CHST11: variants seen among roughly 807,000 people sequenced by gnomAD.
CHST11 encodes the protein C4S-1.
In CHST11, 9 loss-of-function variants were observed where a neutral mutation model predicts 30.4. That is an observed-to-expected ratio of 0.30 (90% confidence interval 0.18 to 0.52). The LOEUF (loss-of-function observed/expected upper bound fraction) is 0.52, where lower values mean the gene tolerates loss of function less well. Among genes scored for constraint, CHST11 ranks in the 20% least tolerant of loss-of-function variants. The probability of loss-of-function intolerance (pLI) is 0.97; values close to 1 mark genes in which losing one functional copy is unlikely to be tolerated. For synonymous variants in CHST11, 152 were observed against 187.8 expected, an observed-to-expected ratio of 0.81 and a Z score of 1.56; for missense variants, 348 against 460.6, an observed-to-expected ratio of 0.76 and a Z score of 2.24.
chr12:104,508,991 G>A (rs866403722), intron 1 of CHST11, among the ~76,000 whole-genome samples: 6 of 151,672 alleles, frequency 4.0e-5, no homozygotes, highest in African/African-American at 1.5e-4. Flanking sequence ...CAACCAGAAT[G>A]ACTATAATCC....
At chr12:104,756,912 G>C in intron 2 of CHST11, 37 bp from the exon 3 acceptor site, 1 of 1,583,176 alleles carries the variant, frequency 6.3e-7, no homozygotes, top group Non-Finnish European at 8.6e-7. Flanking sequence ...TTTCAGGCAA[G>C]TACTGAGTTC....
rs370681818 is a variant in CHST11 at position 104,695,827 on chromosome 12, C to T, written c.205-61122C>T. ...ATTGCCACGTACAGAGTAACTTGGA[C>T]GTGACGCTTCACCGTGAAGTCACAC... On this transcript the variant is annotated intron_variant, in intron 2 of 2. Coordinates refer to ENST00000303694, the MANE Select transcript of CHST11 (RefSeq NM_018413.6). 5.9e-5 allele frequency among the ~76,000 whole-genome samples: 9 copies of T among 152,294 alleles called. No individual in the cohort carries two copies. In the East Asian group the frequency reaches 7.7e-4, roughly 13 times the overall value.
chr12:104,580,448 T>C (rs1211916048), intron 1 of CHST11, among the ~76,000 whole-genome samples: 1 of 152,252 alleles, frequency 6.6e-6, no homozygotes, highest in Non-Finnish European at 1.5e-5. Flanking sequence ...TTTATTTCAG[T>C]GGAGCTTTAA....
intron 2 of CHST11, among the ~76,000 whole-genome samples, chr12:104,618,033 C>T (rs1328986273): frequency 4.0e-5 from 6 of 151,574 alleles, no homozygotes; most frequent in East Asian, 1.9e-4. Context: ...CTCAGCCTCC[C>T]GAGTAGCTGG....
intron 2 of CHST11, among the ~76,000 whole-genome samples, chr12:104,640,459 G>A (rs2039365457): frequency 6.6e-6 from 1 of 152,172 alleles, no homozygotes; most frequent in Non-Finnish European, 1.5e-5. Context: ...ATTACTAAGT[G>A]AAAGAAGTCA....
chr12:104,462,805 A>T (rs1265589291), intron 1 of CHST11, among the ~76,000 whole-genome samples: 1 of 152,226 alleles, frequency 6.6e-6, no homozygotes, highest in Non-Finnish European at 1.5e-5. Flanking sequence ...CTGAAGGAGA[A>T]GACATTTTTA....
rs548223552 is a variant in CHST11, at chr12:104,571,941, C to T, written c.119-29965C>T. The stretch of plus-strand genomic sequence containing the variant: ...AGCATGAAGGGTTGTTGAATTTTGT[C>T]AAAGGCCTTTTCTGCATCTATTCAG... On this transcript the variant is annotated intron_variant, in intron 1 of 2. Transcript: ENST00000303694. 4.1e-4 allele frequency among the ~76,000 whole-genome samples: 62 copies of T among 152,318 alleles called. 1 individual carries two copies. In the East Asian group the frequency reaches 0.012, roughly 28 times the overall value.
intron 1 of CHST11, among the ~76,000 whole-genome samples, chr12:104,529,097 G>A (rs2038156473): frequency 6.6e-6 from 1 of 152,188 alleles, no homozygotes; most frequent in South Asian, 2.1e-4. Flanking sequence ...TAAATAGAGA[G>A]GTGGACAAGT....
chr12:104,671,159 T>C (rs766797128), intron 2 of CHST11, among the ~76,000 whole-genome samples: 2 of 152,188 alleles, frequency 1.3e-5, no homozygotes, highest in Non-Finnish European at 2.9e-5. Flanking sequence ...CCTTTTCCTT[T>C]TAGCTGACAG....
intron 2 of CHST11, among the ~76,000 whole-genome samples, chr12:104,637,392 T>C (rs950448304): frequency 4.9e-5 from 7 of 143,180 alleles, no homozygotes; most frequent in Non-Finnish European, 7.5e-5. Context: ...TGCTAAATGA[T>C]GAGTTAATGG....
At chr12:104,680,481 G>T (rs1319482599) in intron 2 of CHST11, among the ~76,000 whole-genome samples, 1 of 152,224 alleles carries the variant, frequency 6.6e-6, no homozygotes, top group Non-Finnish European at 1.5e-5. Context: ...TGCGGGGCCT[G>T]GTCAGACCAC....
intron 2 of CHST11, 97 bp from the exon 3 acceptor site, chr12:104,756,852 A>G: frequency 7.2e-7 from 1 of 1,395,560 alleles, no homozygotes; most frequent in South Asian, 1.3e-5. Context: ...CAGCTTAGAT[A>G]TGTGTTTGAA....
chr12:104,549,441 T>A (rs1482378994), intron 1 of CHST11, among the ~76,000 whole-genome samples: 1 of 152,222 alleles, frequency 6.6e-6, no homozygotes, highest in East Asian at 1.9e-4. Context: ...ATTTCTGTAG[T>A]CTTAGCATCC....
Position 104,457,437 on chromosome 12 carries a change from T to C in CHST11, c.26T>C (p.Met9Thr). 3 of 1,614,124 alleles carry C rather than the reference T, an allele frequency of 1.9e-6. No homozygotes were observed. The highest frequency in any genetic ancestry group is 2.5e-6 in the Non-Finnish European group (3 of 1,179,936). Reference sequence around the variant, plus strand: ...ATGAAGCCAGCGCTGCTGGAAGTGATGAGGATGAACAGAATCTGCCGGATG... The same window carrying C: ...ATGAAGCCAGCGCTGCTGGAAGTGACGAGGATGAACAGAATCTGCCGGATG... Reference protein sequence around the residue: MKPALLEVMRMNRICRMVL... With the variant: MKPALLEVTRMNRICRMVL... Residue 9 changes from methionine (M) to threonine (T), a missense_variant, in exon 1 of 3, where the codon ATG (methionine) becomes ACG (threonine). Met to Thr is a moderately conservative substitution (Grantham distance 81, BLOSUM62 -1). Around this residue, in one of 3 missense-constraint regions of CHST11, gnomAD observed 135 missense variants for 155.8 expected, o/e 0.87. Transcript: ENST00000303694.
intron 1 of CHST11, among the ~76,000 whole-genome samples, chr12:104,518,974 CTT>C (rs5800625): frequency 0.029 from 3,898 of 132,366 alleles, 135 homozygotes; most frequent in East Asian, 0.18. Context: ...TTTTTTCTTT[CTT>C]TTTTTTTTTT....
chr12:104,722,162 G>GTGTGTGTA (rs1276929175), intron 2 of CHST11, among the ~76,000 whole-genome samples: 1 of 135,568 alleles, frequency 7.4e-6, no homozygotes, highest in Non-Finnish European at 1.5e-5. Flanking sequence ...CTAAGTGTGT[G>GTGTGTGTA]TGTGTGTGTG....
chr12:104,742,486 C>T (rs1566061623), intron 2 of CHST11, among the ~76,000 whole-genome samples: 1 of 152,174 alleles, frequency 6.6e-6, no homozygotes, highest in African/African-American at 2.4e-5. Context: ...AGCAGGTGCT[C>T]AGCCTGCCTG....
intron 1 of CHST11, among the ~76,000 whole-genome samples, chr12:104,568,717 A>G (rs976692906): frequency 2.0e-5 from 3 of 152,182 alleles, no homozygotes; most frequent in African/African-American, 7.2e-5. Flanking sequence ...ACAGATAAGG[A>G]AACTAAAGCT....
intron 2 of CHST11, among the ~76,000 whole-genome samples, chr12:104,618,841 T>C (rs1472059831): frequency 6.6e-6 from 1 of 152,198 alleles, no homozygotes; most frequent in Non-Finnish European, 1.5e-5. Flanking sequence ...CTCTGGAGCT[T>C]GTTTATTGCT....
Sources: gnomAD v4.1 joint callset for allele counts (sites outside exome capture counted in the v4.1 genomes callset) on GRCh38, gnomAD v4.1.1 for gene constraint, gnomAD v4.1.1 regional missense constraint, MANE v1.5 for transcripts, NCBI Gene and HGNC (gene_info 2026-07-23, HGNC 2026-07-21) for gene names.